Variants in WDR48 observed in about 807,000 individuals in gnomAD.
The protein encoded by WDR48 is WD repeat domain 48.
A neutral mutation model predicts 94.0 loss-of-function variants in WDR48; 22 were observed. The ratio of observed to expected loss-of-function variants is 0.23; its 90% confidence interval spans 0.17 to 0.33. The LOEUF (loss-of-function observed/expected upper bound fraction) is 0.33. Among genes scored for constraint, WDR48 ranks in the 10% least tolerant of loss-of-function variants. The probability of loss-of-function intolerance (pLI) is 1.00; values close to 1 mark genes in which losing one functional copy is unlikely to be tolerated. For synonymous variants in WDR48, 278 were observed against 280.5 expected (o/e 0.99, Z 0.09); for missense variants, 541 against 813.8 (o/e 0.66, Z 4.08).
chr3:39,077,269 A>T, intron 9 of WDR48, 56 bp downstream of exon 9: 1 of 1,596,482 alleles, frequency 6.3e-7, no homozygotes, highest in South Asian at 1.1e-5. Flanking sequence ...GTTATCACAG[A>T]CCTGTAGACG....
At chr3:39,073,907 G>A (rs1559611515) in intron 7 of WDR48, among the ~76,000 whole-genome samples, 1 of 152,210 alleles carries the variant, frequency 6.6e-6, no homozygotes, top group Non-Finnish European at 1.5e-5. Flanking sequence ...TGAGACAGAG[G>A]TGTAACCCAG....
At chr3:39,052,426 G>T (rs912443974) in intron 1 of WDR48, 8 of 234,798 alleles carry the variant, frequency 3.4e-5, no homozygotes, top group Non-Finnish European at 6.7e-5. Context: ...CTCTGCCCTC[G>T]CTGCGTCGGA....
At chr3:39,064,675 A>G (rs2033489171) in intron 2 of WDR48, among the ~76,000 whole-genome samples, 1 of 152,178 alleles carries the variant, frequency 6.6e-6, no homozygotes, top group African/African-American at 2.4e-5. Context: ...TGAAAACCCT[A>G]GTGCTAGACC....
chr3:39,070,766 T>C (rs1179222015), intron 7 of WDR48, among the ~76,000 whole-genome samples: 1 of 151,622 alleles, frequency 6.6e-6, no homozygotes, highest in Non-Finnish European at 1.5e-5. Context: ...TATGTGTACA[T>C]GTGCCATGCT....
chr3:39,078,089 A>G, intron 9 of WDR48, 48 bp from the exon 10 acceptor site: 1 of 1,415,064 alleles, frequency 7.1e-7, no homozygotes, highest in Non-Finnish European at 9.8e-7. Flanking sequence ...CAGGCTGGCA[A>G]AGCTTGTAGA....
At chr3:39,058,275 T>C (rs1190068988) in intron 1 of WDR48, among the ~76,000 whole-genome samples, 1 of 152,144 alleles carries the variant, frequency 6.6e-6, no homozygotes, top group Non-Finnish European at 1.5e-5. Context: ...CATCAACATT[T>C]TAAGTGATTG....
intron 5 of WDR48, among the ~76,000 whole-genome samples, chr3:39,068,123 A>G (rs893790170): frequency 2.0e-5 from 3 of 152,236 alleles, no homozygotes; most frequent in African/African-American, 7.2e-5. Flanking sequence ...AATAATACTA[A>G]TAATGGCTAA....
rs781443669 is a variant in WDR48, at chr3:39,052,088, T to G, written c.48+15T>G. 5.6e-6 allele frequency: 9 copies of G among 1,612,834 alleles called. No homozygotes were observed. Among genetic ancestry groups the G allele is most frequent in the African/African-American group, 1.3e-5 (1 of 74,830 alleles). ...GGAAAGTGCAGGTATGGAAGCCCGG[T>G]TCCTCGGTCTTCCGGACGCGGCCGG... On this transcript the variant is annotated intron_variant, in intron 1 of 18. Transcript: ENST00000302313.
At chr3:39,071,957 C>T (rs144820334) in intron 7 of WDR48, among the ~76,000 whole-genome samples, 1 of 152,276 alleles carries the variant, frequency 6.6e-6, no homozygotes, top group African/African-American at 2.4e-5. Flanking sequence ...CTTACAGATT[C>T]TTGAATTCTT....
intron 1 of WDR48, among the ~76,000 whole-genome samples, chr3:39,056,165 C>G (rs949938945): frequency 2.0e-5 from 3 of 152,144 alleles, no homozygotes; most frequent in African/African-American, 7.2e-5. Context: ...CATAATTTGT[C>G]TAGCCATTTC....
Position 39,063,145 on chromosome 3 carries a change from C to T in WDR48, c.144C>T (p.Ala48=), listed in dbSNP as rs563644441. ...LDPALNRLFT[A]GRDSIIRIWS... ...CAGCACTAAATAGACTTTTCACAGC[C>T]GGTCGAGACTCTATCATAAGAATAT... The change falls in exon 2 of 19, where the codon GCC becomes GCT. Residue 48 remains alanine, a synonymous_variant. Coordinates refer to ENST00000302313, the MANE Select transcript of WDR48 (RefSeq NM_020839.4). The T allele has an allele frequency of 6.9e-5, 111 of 1,614,060 alleles. No individual in the cohort carries two copies. Among genetic ancestry groups the T allele is most frequent in the Non-Finnish European group, 8.6e-5 (101 of 1,179,990 alleles).
Position 39,084,157 on chromosome 3 carries a change from A to G in WDR48, c.1176A>G (p.Ala392=). The change falls in exon 12 of 19, where the codon GCA becomes GCG. Residue 392 remains alanine, a splice_region_variant and synonymous_variant. Transcript: ENST00000302313. The part of the protein sequence containing the change: ...NNVAYWDVLK[A]CKVEDLGKVD... ...TTATACTTTCTTTTGATGTATAGGC[A>G]TGTAAAGTTGAAGATCTGGGCAAAG... The G allele has an allele frequency of 1.2e-6, 2 of 1,609,424 alleles. No homozygotes were observed. The highest frequency in any genetic ancestry group is 1.1e-5 in the South Asian group (1 of 90,620).
chr3:39,076,985 C>T (rs749874146), intron 8 of WDR48, among the ~76,000 whole-genome samples, 154 bp from the exon 9 acceptor site: 17 of 152,216 alleles, frequency 1.1e-4, no homozygotes, highest in Non-Finnish European at 1.8e-4. Context: ...AAAAGACTCT[C>T]TCATTTTTCT....
At position 39,075,060 on chromosome 3, in the gene WDR48, G is replaced by A. The variant is rs2034142119; in HGVS notation, c.897+110G>A. On this transcript the variant is annotated intron_variant, in intron 8 of 18. Transcript: ENST00000302313. ...GACTCAACTGCAGGGTTCGGAGGGG[G>A]AAGGTTTGTAAAAAAGATATTCCAT... 3.7e-6 allele frequency: 4 copies of A among 1,084,406 alleles called. No individual in the cohort carries two copies. In the East Asian group the frequency reaches 1.0e-4, roughly 28 times the overall value. 67.2% of individuals were successfully genotyped at this position (1,084,406 alleles called of 1,614,324 possible).
At chr3:39,090,412 G>A (rs1163756642) in intron 16 of WDR48, 1 of 152,102 alleles carries the variant, frequency 6.6e-6, no homozygotes, top group Non-Finnish European at 1.5e-5. Context: ...CCTTTTGCCA[G>A]GTGAAAAGTT....
At chr3:39,076,035 ACTACT>A (rs2034206635) in intron 8 of WDR48, among the ~76,000 whole-genome samples, 1 of 152,160 alleles carries the variant, frequency 6.6e-6, no homozygotes, top group Non-Finnish European at 1.5e-5. Context: ...GAAAAATACT[ACTACT>A]CCCTTTTCTC....
At chr3:39,065,999 A>G in intron 3 of WDR48, 110 bp downstream of exon 3, 1 of 690,248 alleles carries the variant, frequency 1.4e-6, no homozygotes, top group Non-Finnish European at 2.2e-6. Flanking sequence ...TCGAGATTGC[A>G]GTTCAACACA....
At position 39,079,706 on chromosome 3, in the gene WDR48, A is replaced by G. The variant is rs768669711; in HGVS notation, c.1076-5A>G. 7.2e-6 allele frequency: 11 copies of G among 1,531,994 alleles called. No individual in the cohort carries two copies. The highest frequency in any genetic ancestry group is 1.7e-4 in the Middle Eastern group (1 of 5,788). 94.9% of individuals were successfully genotyped at this position (1,531,994 alleles called of 1,614,324 possible). On this transcript the variant is annotated splice_polypyrimidine_tract_variant and splice_region_variant and intron_variant, in intron 10 of 18. Transcript: ENST00000302313. Reference sequence around the variant, plus strand: ...TTTACCAATTGTGTTTTTTTTTCCCATTAGGGGGTGCTAGTATTATTCAGT... The same window carrying G: ...TTTACCAATTGTGTTTTTTTTTCCCGTTAGGGGGTGCTAGTATTATTCAGT...
intron 7 of WDR48, among the ~76,000 whole-genome samples, chr3:39,070,241 G>C (rs189616545): frequency 5.3e-5 from 8 of 152,302 alleles, no homozygotes; most frequent in African/African-American, 1.9e-4. Flanking sequence ...CACGTAATTT[G>C]TGAATTATAA....
Sources: allele counts gnomAD v4.1 joint callset (sites outside exome capture counted in the v4.1 genomes callset), GRCh38; gene constraint gnomAD v4.1.1; transcripts MANE v1.5; gene names NCBI Gene and HGNC (gene_info 2026-07-23, HGNC 2026-07-21).